Variants in TNRC6B observed in about 807,000 individuals in gnomAD.
TNRC6B encodes trinucleotide repeat-containing gene 6B protein.
Under a neutral mutation model 203.6 loss-of-function variants are expected in TNRC6B, and 52 were observed. The ratio of observed to expected loss-of-function variants is 0.26; its 90% CI spans 0.20 to 0.32. The LOEUF (loss-of-function observed/expected upper bound fraction) is 0.32. Ranked by LOEUF, TNRC6B falls within the 10% of genes least tolerant of loss-of-function variation. TNRC6B has a pLI of 1.00. For missense variants in TNRC6B, 1,923 were observed against 2,286.2 expected (o/e 0.84, Z 3.24); for synonymous variants, 838 against 845.7 (o/e 0.99, Z 0.16).
chr22:40,205,053 T>A (rs567828883), intron 1 of TNRC6B, among the ~76,000 whole-genome samples: 3 of 152,360 alleles, frequency 2.0e-5, no homozygotes, highest in South Asian at 4.1e-4. Context: ...CTAACATATG[T>A]TAATTTTCAC....
chr22:40,145,219 C>T (rs1367280134), intron 3 of TNRC6B, among the ~76,000 whole-genome samples: 1 of 151,978 alleles, frequency 6.6e-6, no homozygotes, highest in Admixed American at 6.6e-5. Context: ...GCACTGCAGC[C>T]TGGGTGACAG....
chr22:40,133,160 T>C (rs187150757), intron 3 of TNRC6B, among the ~76,000 whole-genome samples: 175 of 151,886 alleles, frequency 1.2e-3, no homozygotes, highest in African/African-American at 4.1e-3. Context: ...ACTGGTTAAA[T>C]GTAATGCTCA....
chr22:40,305,645 G>A (rs537694735), intron 15 of TNRC6B, among the ~76,000 whole-genome samples: 1 of 152,148 alleles, frequency 6.6e-6, no homozygotes, highest in African/African-American at 2.4e-5. Context: ...ATACTTTGGG[G>A]TTTGTAGATT....
At chr22:40,096,829 G>A (rs559440825) in intron 1 of TNRC6B, among the ~76,000 whole-genome samples, 1 of 152,314 alleles carries the variant, frequency 6.6e-6, no homozygotes, top group African/African-American at 2.4e-5. Context: ...CTCCATGAAA[G>A]CAGAGAAGAA....
intron 1 of TNRC6B, among the ~76,000 whole-genome samples, chr22:40,215,927 A>G (rs1301191935): frequency 6.6e-6 from 1 of 152,176 alleles, no homozygotes; most frequent in Non-Finnish European, 1.5e-5. Flanking sequence ...TTTGAAATGT[A>G]AATCTGATAT....
chr22:40,221,047 G>A (rs1428767089), intron 1 of TNRC6B, among the ~76,000 whole-genome samples: 1 of 152,132 alleles, frequency 6.6e-6, no homozygotes, highest in East Asian at 1.9e-4. Context: ...ACTGATGATG[G>A]CATCCCCCCT....
At chr22:40,154,870 T>A (rs1324625299) in intron 3 of TNRC6B, among the ~76,000 whole-genome samples, 76 of 37,102 alleles carry the variant, frequency 2.0e-3, no homozygotes, top group Middle Eastern at 0.01. Context: ...AATATATATA[T>A]ATATATATAT....
At chr22:40,063,608 G>T (rs541465704) in intron 1 of TNRC6B, among the ~76,000 whole-genome samples, 1 of 152,088 alleles carries the variant, frequency 6.6e-6, no homozygotes, top group Non-Finnish European at 1.5e-5. Flanking sequence ...GGTTTTCAGC[G>T]TATAAGTGTT....
rs2070041814 is a variant in TNRC6B, at chr22:40,242,338, C to T, written c.6-3677C>T. On this transcript the variant is annotated intron_variant, in intron 1 of 22. Transcript: ENST00000454349. ...TCAATAACTAATTTAGATCCAACCC[C>T]ACAGAGTTCATTTGAGTTTTCTCCA... Among the ~76,000 whole-genome samples, 4 of 152,238 alleles carry T rather than the reference C, an allele frequency of 2.6e-5. No homozygotes were observed. The South Asian group carries it at 8.3e-4, about 31-fold the overall frequency.
At chr22:40,054,247 C>G (rs547808814) in intron 1 of TNRC6B, among the ~76,000 whole-genome samples, 2 of 152,098 alleles carry the variant, frequency 1.3e-5, no homozygotes, top group Non-Finnish European at 2.9e-5. Flanking sequence ...GCCTAAAGAC[C>G]CTGATAAGAA....
At chr22:40,143,522 C>G (rs915673419) in intron 3 of TNRC6B, among the ~76,000 whole-genome samples, 1 of 152,114 alleles carries the variant, frequency 6.6e-6, no homozygotes, top group African/African-American at 2.4e-5. Context: ...TAGAGTCTCG[C>G]TCTGTCACCC....
intron 4 of TNRC6B, among the ~76,000 whole-genome samples, chr22:40,161,095 A>G (rs1317841364): frequency 6.6e-6 from 1 of 152,196 alleles, no homozygotes; most frequent in Non-Finnish European, 1.5e-5. Context: ...TTAACATTAG[A>G]TATCTTTCAT....
chr22:40,188,663 C>T lies in TNRC6B; in HGVS notation c.5+10523C>T, dbSNP rs2146390658. 2.0e-5 allele frequency among the ~76,000 whole-genome samples: 3 copies of T among 152,228 alleles called. 1 individual carries two copies. The highest frequency in any genetic ancestry group is 4.1e-4 in the South Asian group (2 of 4,824). ...CTGCTTACCGAAAATAATTGCTGTT[C>T]TTTTAATGCCAAGAAGTTCCCATTT... On this transcript the variant is annotated intron_variant, in intron 1 of 22. Coordinates refer to ENST00000454349, the MANE Select transcript of TNRC6B (RefSeq NM_001162501.2).
intron 1 of TNRC6B, among the ~76,000 whole-genome samples, chr22:40,224,963 C>G (rs999356389): frequency 1.3e-5 from 2 of 152,224 alleles, no homozygotes; most frequent in African/African-American, 2.4e-5. Flanking sequence ...AGCTCATGTG[C>G]TTTGTATTGT....
At chr22:40,141,585 T>C (rs1321228301) in intron 3 of TNRC6B, among the ~76,000 whole-genome samples, 1 of 152,070 alleles carries the variant, frequency 6.6e-6, no homozygotes, top group African/African-American at 2.4e-5. Context: ...GTAATCCTAC[T>C]CTGTAGTCTG....
upstream of TNRC6B, among the ~76,000 whole-genome samples, chr22:40,173,564 C>T (rs896252214): frequency 6.6e-6 from 1 of 150,670 alleles, no homozygotes; most frequent in Non-Finnish European, 1.5e-5. Flanking sequence ...AGGCATACCC[C>T]ACCAAGCCTG....
intron 1 of TNRC6B, among the ~76,000 whole-genome samples, chr22:40,208,397 C>T (rs1312974659): frequency 6.6e-6 from 1 of 152,148 alleles, no homozygotes; most frequent in Non-Finnish European, 1.5e-5. Context: ...AAATTGGAAA[C>T]CTTAATGCCC....
Position 40,110,139 on chromosome 22 carries a change from CTTAA to C in TNRC6B, c.-120-6912_-120-6909del, listed in dbSNP as rs139988813. 1.5e-4 allele frequency among the ~76,000 whole-genome samples: 23 copies of C among 152,200 alleles called. No homozygotes were observed. In the East Asian group the frequency reaches 4.1e-3, roughly 27 times the overall value. On this transcript the variant is annotated intron_variant, in intron 1 of 23. Transcript: ENST00000301923. ...TCACAAAAGTTAACATGTTAATCTG[CTTAA>C]TTATTTCTTTTAATTTTAATTTTTA... is the stretch of plus-strand genomic sequence containing the variant.
chr22:40,167,638 G>A (rs2068931153), intron 4 of TNRC6B, among the ~76,000 whole-genome samples: 1 of 142,906 alleles, frequency 7.0e-6, no homozygotes, highest in Admixed American at 7.4e-5. Context: ...CTAGCACTTT[G>A]GGAGACCAAA....
Sources: allele counts gnomAD v4.1 joint callset (sites outside exome capture counted in the v4.1 genomes callset), GRCh38; gene constraint gnomAD v4.1.1; transcripts MANE v1.5; gene names NCBI Gene and HGNC (gene_info 2026-07-23, HGNC 2026-07-21).